The following RELN variants were observed in gnomAD, a reference collection of about 807,000 sequenced individuals.
RELN encodes the protein reelin.
A neutral mutation model predicts 427.6 loss-of-function variants in RELN; 108 were observed. The ratio of observed to expected loss-of-function variants is 0.25; its 90% CI spans 0.22 to 0.30. RELN has a LOEUF of 0.30. Among genes scored for constraint, RELN ranks in the 10% least tolerant of loss-of-function variants. The pLI is 1.00. For synonymous variants in RELN, 1,524 were observed against 1,513.4 expected (o/e 1.01, Z -0.16); for missense variants, 3,715 against 4,302.8 (o/e 0.86, Z 3.82).
chr7:103,911,157 G>A (rs1795355688), intron 2 of RELN, among the ~76,000 whole-genome samples: 1 of 141,830 alleles, frequency 7.1e-6, no homozygotes, highest in Non-Finnish European at 1.5e-5. Context: ...AAATTTACAA[G>A]AAAAAAACAA....
chr7:103,492,257 A>ACTTT (rs1828699232), intron 57 of RELN, among the ~76,000 whole-genome samples: 1 of 152,238 alleles, frequency 6.6e-6, no homozygotes, highest in South Asian at 2.1e-4. Context: ...TATGTACTAA[A>ACTTT]TTAGTATAAT....
intron 2 of RELN, among the ~76,000 whole-genome samples, chr7:103,911,703 A>G (rs1284640094): frequency 6.9e-6 from 1 of 145,436 alleles, no homozygotes; most frequent in African/African-American, 2.6e-5. Flanking sequence ...TGTCCTTTGT[A>G]GGGACATGGA....
chr7:103,599,390 G>A (rs886404969), intron 24 of RELN, among the ~76,000 whole-genome samples: 2 of 152,062 alleles, frequency 1.3e-5, no homozygotes, highest in Admixed American at 6.6e-5. Context: ...ACCCAGTTCT[G>A]ATTTCTTGTC....
chr7:103,672,487 A>C (rs1335188632), intron 11 of RELN, among the ~76,000 whole-genome samples: 1 of 152,192 alleles, frequency 6.6e-6, no homozygotes, highest in Non-Finnish European at 1.5e-5. Flanking sequence ...AATTATAAAA[A>C]CAATTAGCCT....
At chr7:103,684,366 T>C (rs1833718863) in intron 10 of RELN, among the ~76,000 whole-genome samples, 1 of 152,264 alleles carries the variant, frequency 6.6e-6, no homozygotes, top group South Asian at 2.1e-4. Flanking sequence ...CTGAATGCAT[T>C]CAGATTGAGA....
rs544861017 is a variant in RELN at position 103,813,776 on chromosome 7, T to G, written c.473+19761A>C. Among the ~76,000 whole-genome samples, 9 of 152,236 alleles carry G rather than the reference T, an allele frequency of 5.9e-5. No homozygotes were observed. The South Asian group carries it at 1.9e-3, about 32-fold the overall frequency. On this transcript the variant is annotated intron_variant, in intron 3 of 64. Coordinates refer to ENST00000428762, the MANE Select transcript of RELN (RefSeq NM_005045.4). Reference sequence around the variant, plus strand: ...AGGAAAGCTTGAAGATTTTTCTCTGTATTTTTGTCTTCTTTTTCTCTACTG... The same window carrying G: ...AGGAAAGCTTGAAGATTTTTCTCTGGATTTTTGTCTTCTTTTTCTCTACTG...
chr7:103,511,733 C>G (rs1397629206), intron 50 of RELN, among the ~76,000 whole-genome samples: 1 of 151,996 alleles, frequency 6.6e-6, no homozygotes, highest in Non-Finnish European at 1.5e-5. Flanking sequence ...TGGTGCACGC[C>G]CATAGTCTCA....
rs189164770 is a variant in RELN, at chr7:103,961,773, A to C, written c.226+27358T>G. Among the ~76,000 whole-genome samples the C allele has an allele frequency of 7.8e-3, 1,187 of 152,302 alleles. 15 individuals carry two copies. Among genetic ancestry groups the C allele is most frequent in the African/African-American group, 0.026 (1,088 of 41,548 alleles). Reference sequence around the variant, plus strand: ...CTCTCCACCTGTCATAGTGCATAAGAGTATCATTCCAAACAGGTGTGAGAA... The same window carrying C: ...CTCTCCACCTGTCATAGTGCATAAGCGTATCATTCCAAACAGGTGTGAGAA... On this transcript the variant is annotated intron_variant, in intron 1 of 64. Coordinates refer to ENST00000428762, the MANE Select transcript of RELN (RefSeq NM_005045.4).
At chr7:103,521,961 T>G in intron 48 of RELN, 61 bp downstream of exon 48, 1 of 1,542,726 alleles carries the variant, frequency 6.5e-7, no homozygotes, top group Non-Finnish European at 9.0e-7. Context: ...CAGAAGAGAG[T>G]CAACTATTTG....
intron 8 of RELN, among the ~76,000 whole-genome samples, chr7:103,715,951 T>C (rs1317899015): frequency 6.6e-6 from 1 of 152,164 alleles, no homozygotes; most frequent in African/African-American, 2.4e-5. Flanking sequence ...CCTGGCCCAT[T>C]TTCTAGGAGG....
At chr7:103,812,733 A>G (rs1792774259) in intron 3 of RELN, among the ~76,000 whole-genome samples, 1 of 152,238 alleles carries the variant, frequency 6.6e-6, no homozygotes, top group Admixed American at 6.5e-5. Context: ...TCATCAGCAA[A>G]GAGTGTTTAT....
chr7:103,751,039 T>G (rs1041651656), intron 5 of RELN, among the ~76,000 whole-genome samples: 2 of 152,198 alleles, frequency 1.3e-5, no homozygotes, highest in Non-Finnish European at 2.9e-5. Flanking sequence ...AAAGGTTGTG[T>G]GAGAAATGAT....
At chr7:103,609,091 G>A (rs1284784022) in intron 22 of RELN, among the ~76,000 whole-genome samples, 1 of 151,690 alleles carries the variant, frequency 6.6e-6, no homozygotes, top group East Asian at 1.9e-4. Flanking sequence ...GGTGTAATGG[G>A]GCATGCCTGT....
At chr7:103,914,292 T>C (rs1795434033) in intron 2 of RELN, among the ~76,000 whole-genome samples, 1 of 152,046 alleles carries the variant, frequency 6.6e-6, no homozygotes, top group South Asian at 2.1e-4. Context: ...TGATTTTCCT[T>C]ATGTAAAGGA....
intron 1 of RELN, among the ~76,000 whole-genome samples, chr7:103,929,319 T>C (rs893332320): frequency 6.6e-6 from 1 of 152,142 alleles, no homozygotes; most frequent in African/African-American, 2.4e-5. Flanking sequence ...GAGCTTCAAC[T>C]CTTATCTAAA....
At position 103,609,730 on chromosome 7, in the gene RELN, G is replaced by A. The variant is rs1007677348; in HGVS notation, c.3008+965C>T. Among the ~76,000 whole-genome samples the A allele has an allele frequency of 2.6e-5, 4 of 152,248 alleles. No homozygotes were observed. The East Asian group carries it at 5.8e-4, about 22-fold the overall frequency. ...TTGGTATCTAACCAATTGTTTTTGT[G>A]TAGAGTCTAACTTTTATATAAAATA... On this transcript the variant is annotated intron_variant, in intron 22 of 64. Transcript: ENST00000428762.
Position 103,472,766 on chromosome 7 carries a change from G to T in RELN, c.*46C>A. 7.2e-7 allele frequency: 1 copy of T among 1,380,052 alleles called. No homozygotes were observed. Among genetic ancestry groups the T allele is most frequent in the South Asian group, 1.2e-5 (1 of 86,044 alleles). The allele number at this position is 1,380,052 out of a possible 1,614,324, so 85.5% of individuals were successfully genotyped here. ...AGTGCGAGATTTAAAAGAATGGAGAGCAACACATCACATGTTGGAAGAAAA... is the reference window on the plus strand; with the variant it reads ...AGTGCGAGATTTAAAAGAATGGAGATCAACACATCACATGTTGGAAGAAAA... On this transcript the variant is annotated 3_prime_UTR_variant, in exon 65 of 65. Coordinates refer to ENST00000428762, the MANE Select transcript of RELN (RefSeq NM_005045.4).
intron 19 of RELN, 42 bp from the exon 20 acceptor site, chr7:103,630,218 T>A (rs1018707157): frequency 1.5e-6 from 2 of 1,313,584 alleles, no homozygotes; most frequent in Non-Finnish European, 2.2e-6. Context: ...TATTTTGGTA[T>A]CTTAAAACAC....
intron 1 of RELN, among the ~76,000 whole-genome samples, chr7:103,980,369 G>C (rs1236178866): frequency 6.6e-6 from 1 of 152,042 alleles, no homozygotes; most frequent in Non-Finnish European, 1.5e-5. Context: ...GGACTTATGG[G>C]TACGAAATTC....
Sources: allele counts gnomAD v4.1 joint callset (sites outside exome capture counted in the v4.1 genomes callset), GRCh38; gene constraint gnomAD v4.1.1; transcripts MANE v1.5; gene names NCBI Gene and HGNC (gene_info 2026-07-23, HGNC 2026-07-21).